Variants in DGKH observed in about 807,000 individuals in gnomAD.
DGKH encodes the protein DAG kinase eta.
A neutral mutation model predicts 159.3 loss-of-function variants in DGKH; 90 were observed. That is an observed-to-expected ratio of 0.57 (90% CI 0.48 to 0.67). The LOEUF (loss-of-function observed/expected upper bound fraction) is 0.67, where lower values mean the gene tolerates loss of function less well. Among genes scored for constraint, DGKH ranks in the 30% least tolerant of loss-of-function variants. The pLI, the probability that DGKH is intolerant of heterozygous loss-of-function variation, is 0.00. For missense variants in DGKH, 1,181 were observed against 1,506.1 expected, an observed-to-expected ratio of 0.78 and a Z score of 3.57; for synonymous variants, 536 against 553.8, an observed-to-expected ratio of 0.97 and a Z score of 0.45.
chr13:42,200,309 C>T lies in DGKH; in HGVS notation c.2493+400C>T, dbSNP rs1022477628. Among the ~76,000 whole-genome samples, 19 of 152,154 alleles carry T rather than the reference C, an allele frequency of 1.2e-4. No individual in the cohort carries two copies. In the South Asian group the frequency reaches 1.5e-3, roughly 12 times the overall value. ...AATAGAATCTTTTAATTTAAATATA[C>T]GTTTATTTTTTGCTCCAATTATTTC... On this transcript the variant is annotated intron_variant, in intron 20 of 29. Transcript: ENST00000337343.
intron 1 of DGKH, among the ~76,000 whole-genome samples, chr13:42,101,064 A>T (rs1312567876): frequency 6.6e-6 from 1 of 152,174 alleles, no homozygotes; most frequent in African/African-American, 2.4e-5. Context: ...TTATCCATCC[A>T]GCACTGGCTC....
At chr13:42,057,487 A>T (rs1463661483) in intron 1 of DGKH, among the ~76,000 whole-genome samples, 4 of 152,226 alleles carry the variant, frequency 2.6e-5, no homozygotes, top group Non-Finnish European at 5.9e-5. Context: ...GATATTTATA[A>T]GAATATATAA....
rs182846089 is a variant in DGKH at position 42,080,202 on chromosome 13, A to G, written c.192+31237A>G. Among the ~76,000 whole-genome samples, 15 of 152,298 alleles carry G rather than the reference A, an allele frequency of 9.8e-5. No individual in the cohort carries two copies. The East Asian group carries it at 2.5e-3, about 25-fold the overall frequency. Reference sequence around the variant, plus strand: ...CATCTGTTGGTGCCCTTTTTATTGTATGCTTTTTGATGTGGTGCATTCTAC... The same window carrying G: ...CATCTGTTGGTGCCCTTTTTATTGTGTGCTTTTTGATGTGGTGCATTCTAC... On this transcript the variant is annotated intron_variant, in intron 1 of 29. Coordinates refer to ENST00000337343, the MANE Select transcript of DGKH (RefSeq NM_178009.5).
At chr13:42,054,461 A>G (rs1249557058) in intron 1 of DGKH, among the ~76,000 whole-genome samples, 2 of 152,220 alleles carry the variant, frequency 1.3e-5, no homozygotes, top group Non-Finnish European at 2.9e-5. Context: ...AGCAATTAAC[A>G]CACATCCAGG....
chr13:42,073,880 C>A (rs1430116168), intron 1 of DGKH, among the ~76,000 whole-genome samples: 1 of 152,134 alleles, frequency 6.6e-6, no homozygotes, highest in Non-Finnish European at 1.5e-5. Context: ...TAATGACAGT[C>A]GTGCACCAGG....
chr13:42,105,251 CAGAG>C (rs148615882), intron 1 of DGKH, among the ~76,000 whole-genome samples: 1 of 149,056 alleles, frequency 6.7e-6, no homozygotes, highest in Non-Finnish European at 1.5e-5. Context: ...AAGAGAGGGC[CAGAG>C]AGAGAGAGAG....
At chr13:42,224,497 T>C (rs1958067678) in intron 29 of DGKH, among the ~76,000 whole-genome samples, 1 of 152,240 alleles carries the variant, frequency 6.6e-6, no homozygotes, top group East Asian at 1.9e-4. Flanking sequence ...CCGCTGCCAC[T>C]CTGTCTTCAC....
chr13:42,248,377 G>C (rs1958596267), intron 29 of DGKH, among the ~76,000 whole-genome samples: 1 of 151,230 alleles, frequency 6.6e-6, no homozygotes, highest in Non-Finnish European at 1.5e-5. Flanking sequence ...AGTGACCTGA[G>C]ACGGGGCCAC....
chr13:42,048,458 C>T (rs1489868104), upstream of DGKH, among the ~76,000 whole-genome samples: 2 of 151,992 alleles, frequency 1.3e-5, no homozygotes, highest in Non-Finnish European at 2.9e-5. The surrounding 1 kb of genome is among the most constrained non-coding windows in gnomAD (Gnocchi z 6.7). Context: ...CAAACCCTGT[C>T]ACCCCATCCT....
In DGKH at chr13:42,197,624, C is replaced by T. The variant is rs190212312; in HGVS notation, c.2168-854C>T. 1.1e-4 allele frequency among the ~76,000 whole-genome samples: 16 copies of T among 152,158 alleles called. No individual in the cohort carries two copies. The East Asian group carries it at 1.9e-3, about 18-fold the overall frequency. ...ACTTGGGAGACTGAGGTGGGAGGAT[C>T]GCTTGAACCCTGGGAGATGGAGGCT... On this transcript the variant is annotated intron_variant, in intron 17 of 29. Coordinates refer to ENST00000337343, the MANE Select transcript of DGKH (RefSeq NM_178009.5).
At chr13:42,204,270 A>G (rs578156400) in intron 20 of DGKH, among the ~76,000 whole-genome samples, 31 of 152,296 alleles carry the variant, frequency 2.0e-4, no homozygotes, top group African/African-American at 7.0e-4. Context: ...TTGGGTTGAG[A>G]AAAAGTTTAT....
At position 42,237,284 on chromosome 13, in the gene DGKH, T is replaced by G. The variant is rs1328750817; in HGVS notation, c.*8096T>G. ...TCTATGTTACAGTGTTAGCGGTTGA[T>G]GTATTGTGTACTGTTTAAGAACTCA... On this transcript the variant is annotated 3_prime_UTR_variant, in exon 30 of 30. Coordinates refer to ENST00000337343, the MANE Select transcript of DGKH (RefSeq NM_178009.5). 1 of 152,252 alleles carries G rather than the reference T, an allele frequency of 6.6e-6. No homozygotes were observed. Among genetic ancestry groups the G allele is most frequent in the Non-Finnish European group, 1.5e-5 (1 of 68,042 alleles). The allele number at this position is 152,252 out of a possible 1,614,324, so 9.4% of individuals were successfully genotyped here. A position where few individuals can be genotyped will look rare whatever the true frequency, so the allele number is the denominator to read the frequency against.
rs1956014750 is a variant in DGKH, at chr13:42,155,288, C to T, written c.385-3C>T. The T allele has an allele frequency of 1.3e-6, 2 of 1,586,324 alleles. No individual in the cohort carries two copies. The highest frequency in any genetic ancestry group is 2.2e-5 in the East Asian group (1 of 44,522). ...AATCATTAGATTGAATTATCCCTTT[C>T]AGATCATCACTCCATTCAGAAGGCT... On this transcript the variant is annotated splice_polypyrimidine_tract_variant and splice_region_variant and intron_variant, in intron 3 of 29. Coordinates refer to ENST00000337343, the MANE Select transcript of DGKH (RefSeq NM_178009.5).
chr13:42,249,402 C>T (rs774136715), intron 29 of DGKH, among the ~76,000 whole-genome samples: 1 of 152,174 alleles, frequency 6.6e-6, no homozygotes, highest in Non-Finnish European at 1.5e-5. Flanking sequence ...CAGAGCGAGA[C>T]TCTGTCTCCA....
intron 1 of DGKH, among the ~76,000 whole-genome samples, chr13:42,099,649 A>C (rs1162287301): frequency 6.6e-6 from 1 of 152,220 alleles, no homozygotes; most frequent in Non-Finnish European, 1.5e-5. Context: ...GCAAATATTT[A>C]TTGTGTGCCA....
intron 17 of DGKH, among the ~76,000 whole-genome samples, chr13:42,196,395 C>A: frequency 6.6e-6 from 1 of 152,128 alleles, no homozygotes; most frequent in Non-Finnish European, 1.5e-5. Context: ...TGGAAGCAAC[C>A]CAAACATCCA....
At chr13:42,197,783 C>T (rs1957237806) in intron 17 of DGKH, among the ~76,000 whole-genome samples, 1 of 152,078 alleles carries the variant, frequency 6.6e-6, no homozygotes, top group Non-Finnish European at 1.5e-5. Flanking sequence ...TTGTAGGTTC[C>T]TATTAGTTTG....
intron 1 of DGKH, among the ~76,000 whole-genome samples, chr13:42,118,216 CA>C (rs1411273482): frequency 2.1e-5 from 3 of 145,882 alleles, no homozygotes; most frequent in Non-Finnish European, 1.5e-5. Flanking sequence ...GACTCCGTCT[CA>C]AAAAAAAAAG....
At chr13:42,092,818 A>G (rs574265320) in intron 1 of DGKH, among the ~76,000 whole-genome samples, 6 of 152,360 alleles carry the variant, frequency 3.9e-5, no homozygotes, top group African/African-American at 1.2e-4. Context: ...TGATTTTATC[A>G]TTACACATTG....
Sources: allele counts gnomAD v4.1 joint callset (sites outside exome capture counted in the v4.1 genomes callset), GRCh38; gene constraint gnomAD v4.1.1; non-coding constraint Gnocchi (gnomAD v3.1); transcripts MANE v1.5; gene names NCBI Gene and HGNC (gene_info 2026-07-23, HGNC 2026-07-21).